GAS7: variants seen among roughly 807,000 people sequenced by gnomAD.
GAS7 encodes the protein growth arrest specific 7, also known as growth arrest-specific protein 7.
A neutral mutation model predicts 71.1 loss-of-function variants in GAS7; 28 were observed. The ratio of observed to expected loss-of-function variants is 0.39; its 90% CI spans 0.29 to 0.54. The LOEUF (loss-of-function observed/expected upper bound fraction) is 0.54. Ranked by LOEUF, GAS7 falls within the 20% of genes least tolerant of loss-of-function variation. The pLI is 0.62. For synonymous variants in GAS7, 258 were observed against 245.8 expected, an observed-to-expected ratio of 1.05 and a Z score of -0.46; for missense variants, 436 against 627.8, an observed-to-expected ratio of 0.69 and a Z score of 3.27.
intron 3 of GAS7, among the ~76,000 whole-genome samples, chr17:9,973,098 A>T (rs1291677497): frequency 6.6e-6 from 1 of 152,218 alleles, no homozygotes. Context: ...CGAGTCAGGA[A>T]ACGGGAGACC....
chr17:9,916,655 C>A lies in GAS7; in HGVS notation c.*573G>T. 1 of 316,480 alleles carries A rather than the reference C, an allele frequency of 3.2e-6. No individual in the cohort carries two copies. The highest frequency in any genetic ancestry group is 5.8e-6 in the Non-Finnish European group (1 of 173,820). 19.6% of individuals were successfully genotyped at this position (316,480 alleles called of 1,614,324 possible). ...GGAAGACAGGAGCCAAGCCTTCCTC[C>A]TAAAACCCCTGGTGATGAACAGTGG... is the stretch of plus-strand genomic sequence containing the variant. On this transcript the variant is annotated 3_prime_UTR_variant, in exon 14 of 14. Coordinates refer to ENST00000432992, the MANE Select transcript of GAS7 (RefSeq NM_201433.2).
chr17:10,025,204 G>A (rs1032867388), intron 1 of GAS7, among the ~76,000 whole-genome samples: 3 of 151,806 alleles, frequency 2.0e-5, no homozygotes. Context: ...GGAGTTCAAG[G>A]GCAGCCTGGG....
chr17:9,976,946 TAAAATCTAAATG>T (rs1597594897), intron 3 of GAS7, among the ~76,000 whole-genome samples: 1 of 152,336 alleles, frequency 6.6e-6, no homozygotes, highest in Admixed American at 6.5e-5. Context: ...CAAATTTAAA[TAAAATCTAAATG>T]CAATATGATT....
chr17:9,956,942 G>A (rs901635765), intron 5 of GAS7, among the ~76,000 whole-genome samples: 6 of 152,210 alleles, frequency 3.9e-5, no homozygotes, highest in Non-Finnish European at 8.8e-5. Context: ...CTGGGCATGG[G>A]AGAGCGGTGT....
At chr17:10,044,481 GTGTT>G (rs1207386348) in intron 1 of GAS7, among the ~76,000 whole-genome samples, 7 of 152,190 alleles carry the variant, frequency 4.6e-5, no homozygotes, top group Non-Finnish European at 1.0e-4. Flanking sequence ...CACAGTCTGA[GTGTT>G]TGTGTGGGTA....
At chr17:10,012,156 C>T (rs927880621) in intron 2 of GAS7, among the ~76,000 whole-genome samples, 1 of 152,106 alleles carries the variant, frequency 6.6e-6, no homozygotes, top group Non-Finnish European at 1.5e-5. Context: ...CTTCAAATAT[C>T]CCTAATGTCC....
At position 9,925,458 on chromosome 17, in the gene GAS7, C is replaced by G. The variant is rs547693374; in HGVS notation, c.1138+18G>C. The G allele has an allele frequency of 1.2e-6, 2 of 1,613,500 alleles. No homozygotes were observed. Among genetic ancestry groups the G allele is most frequent in the Non-Finnish European group, 8.5e-7 (1 of 1,179,708 alleles). On this transcript the variant is annotated intron_variant, in intron 11 of 13. Transcript: ENST00000432992. ...TTCTGTGTGCACTGACCAGGCCAGG[C>G]GGGTGCCCAGCACTTACCAGCCTGT...
chr17:10,039,186 T>C (rs945933677), intron 1 of GAS7, among the ~76,000 whole-genome samples: 2 of 150,184 alleles, frequency 1.3e-5, no homozygotes, highest in African/African-American at 4.9e-5. Context: ...TTAAAACTGA[T>C]GGAGATGGTG....
In GAS7 at chr17:9,981,854, G is replaced by C. The variant is rs1361966482; in HGVS notation, c.335C>G (p.Pro112Arg). The C allele has an allele frequency of 6.9e-6, 11 of 1,604,926 alleles. No homozygotes were observed. The Middle Eastern group carries it at 9.9e-4, about 145-fold the overall frequency. The change falls in exon 3 of 14, where the codon CCT (proline) becomes CGT (arginine). Residue 112 changes from proline to arginine, a missense_variant. Pro to Arg is a moderately radical substitution (Grantham distance 103, BLOSUM62 -2). Coordinates refer to ENST00000432992, the MANE Select transcript of GAS7 (RefSeq NM_201433.2). This position sits in a 1 kb window ranked among gnomAD's most constrained non-coding sequence, Gnocchi z 4.4. ...ETTWERPSSS[P>R]GIPASPGSHR... ...AGAGCCAGGGCTGGCTGGAATCCCA[G>C]GAGAACTGCTGGGACGTTCCCAGGT...
chr17:10,005,050 T>TATATATACAC (rs1296844463), intron 2 of GAS7, among the ~76,000 whole-genome samples: 6 of 150,158 alleles, frequency 4.0e-5, no homozygotes, highest in Admixed American at 1.3e-4. Context: ...TACATATATA[T>TATATATACAC]ACACATATAT....
At chr17:10,062,410 G>A (rs1448089840) in intron 1 of GAS7, among the ~76,000 whole-genome samples, 3 of 152,150 alleles carry the variant, frequency 2.0e-5, no homozygotes, top group Non-Finnish European at 2.9e-5. Context: ...ACTTGAACCC[G>A]GGAGGTGGAG....
At chr17:10,099,036 A>G (rs1463894831) in intron 1 of GAS7, among the ~76,000 whole-genome samples, 2 of 152,320 alleles carry the variant, frequency 1.3e-5, no homozygotes, top group South Asian at 2.1e-4. Flanking sequence ...TGGAGGTGAG[A>G]GATGGGTACC....
chr17:9,947,283 G>T (rs2068822933), intron 5 of GAS7, among the ~76,000 whole-genome samples: 1 of 152,158 alleles, frequency 6.6e-6, no homozygotes, highest in Non-Finnish European at 1.5e-5. Flanking sequence ...AGATACAGTT[G>T]CATGGGGGCA....
At chr17:9,999,377 G>T (rs2071172418) in intron 2 of GAS7, among the ~76,000 whole-genome samples, 2 of 152,120 alleles carry the variant, frequency 1.3e-5, no homozygotes, top group South Asian at 4.1e-4. Flanking sequence ...AATTAGCTGG[G>T]TGTGGTGGTG....
chr17:10,143,007 C>T (rs777271801), intron 1 of GAS7, among the ~76,000 whole-genome samples: 31 of 95,568 alleles, frequency 3.2e-4, no homozygotes, highest in Non-Finnish European at 6.1e-4. Context: ...CCCATCTCTA[C>T]TAAAAATACA....
intron 9 of GAS7, among the ~76,000 whole-genome samples, chr17:9,932,752 A>G (rs1412387395): frequency 1.3e-5 from 2 of 152,260 alleles, no homozygotes; most frequent in African/African-American, 4.8e-5. Flanking sequence ...TTCATGACTC[A>G]ATAAGAAAAT....
intron 2 of GAS7, among the ~76,000 whole-genome samples, chr17:10,017,477 C>T (rs948998863): frequency 2.6e-5 from 4 of 151,978 alleles, no homozygotes; most frequent in Non-Finnish European, 5.9e-5. Context: ...TACAGGCGCC[C>T]GCCACCACAC....
intron 1 of GAS7, among the ~76,000 whole-genome samples, chr17:10,183,285 C>T (rs2074429462): frequency 6.6e-6 from 1 of 152,098 alleles, no homozygotes; most frequent in African/African-American, 2.4e-5. Context: ...TGATTTGTGC[C>T]TCATCGATAA....
chr17:10,057,411 G>A (rs1295043798), intron 1 of GAS7, among the ~76,000 whole-genome samples: 5 of 149,322 alleles, frequency 3.3e-5, no homozygotes, highest in African/African-American at 9.9e-5. Flanking sequence ...CTGCCGCCCC[G>A]TCTGGAATGT....
Sources: allele counts gnomAD v4.1 joint callset (sites outside exome capture counted in the v4.1 genomes callset), GRCh38; gene constraint gnomAD v4.1.1; non-coding constraint Gnocchi (gnomAD v3.1); transcripts MANE v1.5; gene names NCBI Gene and HGNC (gene_info 2026-07-23, HGNC 2026-07-21).